Variants in CCDC171 observed in about 807,000 individuals in gnomAD.
CCDC171 encodes the protein coiled-coil domain containing 171, also known as coiled-coil domain-containing protein 171.
CCDC171 carries 177 observed loss-of-function variants against 168.2 expected under a neutral mutation model. The observed-to-expected ratio is 1.05, with a 90% CI of 0.93 to 1.19. The LOEUF is 1.19. Among genes scored for constraint, CCDC171 ranks in the 50% most tolerant of loss-of-function variants. CCDC171 has a pLI of 0.00. For synonymous variants in CCDC171, 687 were observed against 540.8 expected, an observed-to-expected ratio of 1.27 and a Z score of -3.75; for missense variants, 1,991 against 1,539.0, an observed-to-expected ratio of 1.29 and a Z score of -4.91.
At chr9:15,988,079 C>T (rs972495007) in intron 3 of CCDC171, among the ~76,000 whole-genome samples, 3 of 152,080 alleles carry the variant, frequency 2.0e-5, no homozygotes, top group African/African-American at 4.8e-5. Flanking sequence ...CAGTACTTAA[C>T]AATAAAAATA....
intron 16 of CCDC171, among the ~76,000 whole-genome samples, chr9:15,740,517 C>G (rs1035809673): frequency 2.6e-5 from 4 of 152,054 alleles, no homozygotes; most frequent in African/African-American, 9.7e-5. Context: ...TTGCTGCAAC[C>G]TCTGCTTTTC....
At chr9:16,044,045 C>A (rs115693352) in intron 1 of CCDC171, among the ~76,000 whole-genome samples, 8 of 152,296 alleles carry the variant, frequency 5.3e-5, no homozygotes, top group African/African-American at 1.2e-4. Context: ...TGGGAAGAGG[C>A]CTTCGGTCAT....
intron 16 of CCDC171, among the ~76,000 whole-genome samples, chr9:15,738,776 T>C (rs1485049578): frequency 1.3e-5 from 2 of 152,162 alleles, no homozygotes; most frequent in Non-Finnish European, 1.5e-5. Context: ...AATTCTGACA[T>C]GTAGATAAGT....
intron 1 of CCDC171, among the ~76,000 whole-genome samples, chr9:15,561,652 T>G (rs1484548391): frequency 6.6e-6 from 1 of 152,126 alleles, no homozygotes; most frequent in Non-Finnish European, 1.5e-5. Context: ...GAGATTTTAC[T>G]GCACCTTCTC....
intron 23 of CCDC171, among the ~76,000 whole-genome samples, chr9:15,851,618 T>C (rs1350878961): frequency 6.6e-6 from 1 of 151,894 alleles, no homozygotes; most frequent in Non-Finnish European, 1.5e-5. Flanking sequence ...CTCACCAGTT[T>C]AACCATTTTA....
chr9:15,688,228 C>A lies in CCDC171; in HGVS notation c.1216-7007C>A, dbSNP rs531991706. 3.2e-4 allele frequency among the ~76,000 whole-genome samples: 48 copies of A among 151,452 alleles called. No homozygotes were observed. The South Asian group carries it at 5.7e-3, about 18-fold the overall frequency. ...AATCAAAAGAGATTGAATTAGTAAT[C>A]AAAAAAACTCCCACAAAGAAAAGCC... On this transcript the variant is annotated intron_variant, in intron 10 of 25. Transcript: ENST00000380701.
chr9:15,589,137 GT>G (rs1394806845), intron 4 of CCDC171, among the ~76,000 whole-genome samples: 9 of 152,150 alleles, frequency 5.9e-5, no homozygotes, highest in African/African-American at 2.2e-4. Flanking sequence ...TTCCCTTCTA[GT>G]TTTGAGAGAC....
intron 18 of CCDC171, among the ~76,000 whole-genome samples, chr9:15,773,338 C>T (rs80275155): frequency 9.2e-5 from 14 of 152,148 alleles, no homozygotes; most frequent in African/African-American, 3.4e-4. Context: ...GGAACTGTTG[C>T]AATAACTTTT....
At chr9:16,100,484 G>C in the CCDC171 span, among the ~76,000 whole-genome samples, 1 of 152,110 alleles carries the variant, frequency 6.6e-6, no homozygotes. Flanking sequence ...CAGAGGTATC[G>C]ATGTAATTGG....
chr9:15,786,101 C>A (rs754869418), intron 21 of CCDC171, among the ~76,000 whole-genome samples: 1 of 151,958 alleles, frequency 6.6e-6, no homozygotes, highest in Admixed American at 6.6e-5. Flanking sequence ...TATGTTTTTC[C>A]AAATACATGT....
At chr9:15,639,310 C>T (rs1265019539) in intron 7 of CCDC171, among the ~76,000 whole-genome samples, 2 of 151,874 alleles carry the variant, frequency 1.3e-5, no homozygotes, top group Non-Finnish European at 2.9e-5. Context: ...TTAAATGCAG[C>T]ATTTTATGTT....
At chr9:15,723,406 C>G (rs2053610295) in intron 12 of CCDC171, among the ~76,000 whole-genome samples, 1 of 152,124 alleles carries the variant, frequency 6.6e-6, no homozygotes, top group Non-Finnish European at 1.5e-5. Context: ...AATCCTTTAT[C>G]TGGACGTGTG....
exon 5 of CCDC171, chr9:16,022,361 G>C (rs1833190849): frequency 6.6e-6 from 1 of 152,228 alleles, no homozygotes; most frequent in Admixed American, 6.5e-5. Flanking sequence ...TGTCTGCAGA[G>C]AAGGAAGCAC....
At chr9:16,100,917 C>T in the CCDC171 span, among the ~76,000 whole-genome samples, 1 of 152,176 alleles carries the variant, frequency 6.6e-6, no homozygotes, top group African/African-American at 2.4e-5. Context: ...CCTACCCCAT[C>T]CCCCAGGCTC....
At chr9:15,819,390 C>T (rs2059680617) in intron 21 of CCDC171, among the ~76,000 whole-genome samples, 1 of 117,516 alleles carries the variant, frequency 8.5e-6, no homozygotes, top group African/African-American at 3.2e-5. Flanking sequence ...TTAAAAGACA[C>T]AGACTGGCAA....
At chr9:15,923,791 CT>C (rs1270492737) in intron 25 of CCDC171, among the ~76,000 whole-genome samples, 2 of 151,440 alleles carry the variant, frequency 1.3e-5, no homozygotes, top group South Asian at 2.1e-4. Flanking sequence ...AAATAGAGAA[CT>C]TTTTTTCTCG....
chr9:15,841,902 A>T (rs1251878391), intron 21 of CCDC171, among the ~76,000 whole-genome samples: 1 of 151,972 alleles, frequency 6.6e-6, no homozygotes, highest in African/African-American at 2.4e-5. Context: ...TATTTAATTA[A>T]TTCTTGATTA....
intron 6 of CCDC171, among the ~76,000 whole-genome samples, chr9:15,607,371 A>G (rs1163883252): frequency 2.0e-5 from 3 of 152,308 alleles, no homozygotes; most frequent in East Asian, 3.8e-4. Flanking sequence ...GTCTGTATAC[A>G]TTGACAGTAT....
At chr9:16,082,156 C>T in the CCDC171 span, among the ~76,000 whole-genome samples, 1 of 152,144 alleles carries the variant, frequency 6.6e-6, no homozygotes, top group Non-Finnish European at 1.5e-5. Context: ...AAAATCATGA[C>T]CTTTCATTTC....
Sources: allele counts gnomAD v4.1 joint callset (sites outside exome capture counted in the v4.1 genomes callset), GRCh38; gene constraint gnomAD v4.1.1; transcripts MANE v1.5; gene names NCBI Gene and HGNC (gene_info 2026-07-23, HGNC 2026-07-21).